Variants in FILIP1L observed in about 807,000 individuals in gnomAD.
FILIP1L encodes filamin A-interacting protein 1-like.
In FILIP1L, 55 loss-of-function variants were observed where a neutral mutation model predicts 96.6. The ratio of observed to expected loss-of-function variants is 0.57; its 90% CI spans 0.46 to 0.71. The LOEUF (loss-of-function observed/expected upper bound fraction) is 0.71. FILIP1L is among the 30% of genes least tolerant of loss of function. The probability of loss-of-function intolerance (pLI) is 0.00; values close to 1 mark genes in which losing one functional copy is unlikely to be tolerated. For missense variants in FILIP1L, 1,304 were observed against 1,321.2 expected (o/e 0.99, Z 0.20); for synonymous variants, 467 against 473.9 (o/e 0.99, Z 0.19).
At chr3:99,840,724 G>A (rs1371271784) in intron 5 of FILIP1L, among the ~76,000 whole-genome samples, 1 of 152,220 alleles carries the variant, frequency 6.6e-6, no homozygotes, top group Non-Finnish European at 1.5e-5. Context: ...TTGGAAGTTA[G>A]AACCAGATGT....
intron 5 of FILIP1L, among the ~76,000 whole-genome samples, chr3:99,847,679 C>G (rs560566524): frequency 6.6e-6 from 1 of 152,206 alleles, no homozygotes; most frequent in Non-Finnish European, 1.5e-5. Flanking sequence ...AAATATATCC[C>G]AAGCATGAAG....
At chr3:99,933,274 C>G (rs1431008228) in intron 1 of FILIP1L, among the ~76,000 whole-genome samples, 1 of 152,082 alleles carries the variant, frequency 6.6e-6, no homozygotes, top group Non-Finnish European at 1.5e-5. Context: ...AGACTATTTA[C>G]AAATACGGTA....
chr3:99,848,638 G>C lies in FILIP1L; in HGVS notation c.3038C>G (p.Ser1013Cys), dbSNP rs748039430. 3 of 1,614,188 alleles carry C rather than the reference G, an allele frequency of 1.9e-6. No homozygotes were observed. In the Admixed American group the frequency reaches 5.0e-5, roughly 27 times the overall value. ...TTCTGGGGAGCGTCCCTGCTCAGGA[G>C]AGCTAGCTGAACCAGTCACAGCCAA... ...QVLAVTGSAS[S>C]PEQGRSPEPT... The change falls in exon 5 of 6, where the codon TCT (serine) becomes TGT (cysteine). Residue 1013 changes from serine to cysteine, a missense_variant. Transcript: ENST00000477258.
intron 1 of FILIP1L, among the ~76,000 whole-genome samples, chr3:100,088,273 T>A (rs1255819224): frequency 2.0e-5 from 3 of 152,214 alleles, no homozygotes; most frequent in Non-Finnish European, 4.4e-5. Context: ...AAAGCTTAAA[T>A]TGATACAGAA....
At chr3:99,833,445 T>C (rs532670545) in intron 5 of FILIP1L, among the ~76,000 whole-genome samples, 2 of 152,270 alleles carry the variant, frequency 1.3e-5, no homozygotes, top group South Asian at 4.2e-4. Context: ...GGTGAAGTGT[T>C]TTCAGTTGTA....
intron 4 of FILIP1L, among the ~76,000 whole-genome samples, chr3:99,916,449 C>T (rs1482224690): frequency 6.9e-5 from 8 of 115,988 alleles, no homozygotes; most frequent in African/African-American, 2.2e-4. Context: ...CACACACACA[C>T]ACACACACAC....
intron 4 of FILIP1L, among the ~76,000 whole-genome samples, chr3:99,911,901 TTC>T (rs1284724953): frequency 6.6e-6 from 1 of 152,224 alleles, no homozygotes; most frequent in Non-Finnish European, 1.5e-5. Context: ...ATCCCCCATT[TTC>T]TCTCTTTTCA....
chr3:99,930,009 G>T lies in FILIP1L; in HGVS notation c.273C>A (p.Gly91=). Residue 91 remains glycine, a synonymous_variant, in exon 3 of 6, where the codon GGC becomes GGA. Coordinates refer to ENST00000477258, the MANE Select transcript of FILIP1L (RefSeq NM_001387850.1). ...GELQARDEVI[G]ILKAEKMDLA... is the part of the protein sequence containing the mutation. ...GGTCCATTTTTTCAGCCTTTAAAATGCCTATGACCTCATCTCGAGCCTGTA... is the reference window on the plus strand; with the variant it reads ...GGTCCATTTTTTCAGCCTTTAAAATTCCTATGACCTCATCTCGAGCCTGTA... 6.2e-7 allele frequency: 1 copy of T among 1,611,728 alleles called. No homozygotes were observed. The highest frequency in any genetic ancestry group is 8.5e-7 in the Non-Finnish European group (1 of 1,179,188).
chr3:99,876,348 G>C (rs1465694681), intron 4 of FILIP1L: 1 of 411,448 alleles, frequency 2.4e-6, no homozygotes, highest in Non-Finnish European at 3.3e-6. Context: ...CGTGTGAACG[G>C]ACCGTGGTTC....
chr3:100,093,622 T>A (rs2066152037), intron 1 of FILIP1L, among the ~76,000 whole-genome samples: 1 of 152,164 alleles, frequency 6.6e-6, no homozygotes. Flanking sequence ...CCAGTATATT[T>A]ACATTGATAC....
intron 4 of FILIP1L, among the ~76,000 whole-genome samples, chr3:99,868,528 G>C (rs1315933098): frequency 6.6e-6 from 1 of 152,176 alleles, no homozygotes. Context: ...TTGGCACTGT[G>C]CCAACTGCTT....
intron 1 of FILIP1L, among the ~76,000 whole-genome samples, chr3:100,050,290 T>C: frequency 6.6e-6 from 1 of 152,220 alleles, no homozygotes; most frequent in East Asian, 1.9e-4. Context: ...AAATGTGCCC[T>C]CTAATGAGTC....
In FILIP1L at chr3:100,089,714, A is replaced by G. The variant is rs143013213; in HGVS notation, c.-11+24339T>C. On this transcript the variant is annotated intron_variant, in intron 1 of 5. Transcript: ENST00000477258. ...AAATACAAATTTCATAGGCATTTGT[A>G]TGAAGTAAGAATTCATTGCTCGTTA... is the stretch of plus-strand genomic sequence containing the variant. 2.4e-3 allele frequency among the ~76,000 whole-genome samples: 372 copies of G among 152,376 alleles called. 1 individual carries two copies. The highest frequency in any genetic ancestry group is 8.4e-3 in the African/African-American group (350 of 41,582).
chr3:100,110,816 G>C (rs1021957411), intron 1 of FILIP1L, among the ~76,000 whole-genome samples: 5 of 152,010 alleles, frequency 3.3e-5, no homozygotes, highest in African/African-American at 1.2e-4. Flanking sequence ...ACTTATGCTT[G>C]CACCAGAAGC....
chr3:99,974,771 G>T (rs942547540), intron 1 of FILIP1L, among the ~76,000 whole-genome samples: 16 of 152,020 alleles, frequency 1.1e-4, no homozygotes, highest in African/African-American at 3.9e-4. Flanking sequence ...CCTGTTGTTT[G>T]ATGACATGTA....
intron 4 of FILIP1L, among the ~76,000 whole-genome samples, chr3:99,892,012 G>A (rs761901984): frequency 1.7e-4 from 26 of 152,056 alleles, no homozygotes; most frequent in Non-Finnish European, 3.1e-4. Context: ...TTTCACAGTT[G>A]TTACTTCTTA....
chr3:100,068,350 C>CTGTG lies in FILIP1L; in HGVS notation c.-11+45699_-11+45702dup, dbSNP rs62958661. On this transcript the variant is annotated intron_variant, in intron 1 of 5. Transcript: ENST00000477258. ...ACAAACATGAATGATGAAAGAGCCT[C>CTGTG]TGTGTGTGTGTGTGTGTGTGTGTGT... Among the ~76,000 whole-genome samples the CTGTG allele has an allele frequency of 6.5e-3, 970 of 149,508 alleles. 4 individuals are homozygous for CTGTG. The highest frequency in any genetic ancestry group is 7.3e-3 in the South Asian group (34 of 4,678).
chr3:99,935,507 C>A (rs1428109960), intron 1 of FILIP1L, among the ~76,000 whole-genome samples: 1 of 152,092 alleles, frequency 6.6e-6, no homozygotes, highest in African/African-American at 2.4e-5. Context: ...TTTAATTAGC[C>A]AGGGTCTGTG....
At chr3:99,958,580 T>C (rs1331693354) in intron 1 of FILIP1L, among the ~76,000 whole-genome samples, 1 of 152,312 alleles carries the variant, frequency 6.6e-6, no homozygotes, top group African/African-American at 2.4e-5. Flanking sequence ...CACATGGGTC[T>C]ACGGTTAGTA....
Sources: allele counts gnomAD v4.1 joint callset (sites outside exome capture counted in the v4.1 genomes callset), GRCh38; gene constraint gnomAD v4.1.1; transcripts MANE v1.5; gene names NCBI Gene and HGNC (gene_info 2026-07-23, HGNC 2026-07-21).